SH3GL3: variants seen among roughly 807,000 people sequenced by gnomAD.
The protein encoded by SH3GL3 is endophilin-A3.
In SH3GL3, 33 loss-of-function variants were observed where a neutral mutation model predicts 47.7. The observed-to-expected ratio is 0.69, with a 90% CI of 0.52 to 0.92. The LOEUF (loss-of-function observed/expected upper bound fraction) is 0.92. Among genes scored for constraint, SH3GL3 ranks in the 40% least tolerant of loss-of-function variants. The probability of loss-of-function intolerance (pLI) is 0.00; values close to 1 mark genes in which losing one functional copy is unlikely to be tolerated. For missense variants in SH3GL3, 363 were observed against 417.8 expected, an observed-to-expected ratio of 0.87 and a Z score of 1.14; for synonymous variants, 155 against 148.8, an observed-to-expected ratio of 1.04 and a Z score of -0.30.
intron 1 of SH3GL3, among the ~76,000 whole-genome samples, chr15:83,501,856 A>G (rs1420550489): frequency 6.6e-6 from 1 of 152,022 alleles, no homozygotes; most frequent in African/African-American, 2.4e-5. Context: ...ATGCCACCGC[A>G]CTCCAGCCTG....
At chr15:83,475,340 G>A (rs903651996) in intron 1 of SH3GL3, among the ~76,000 whole-genome samples, 3 of 151,690 alleles carry the variant, frequency 2.0e-5, no homozygotes, top group Admixed American at 6.6e-5. Context: ...TTAACCGGGC[G>A]GGGTGTTGCG....
chr15:83,465,460 G>A (rs1174238411), intron 1 of SH3GL3, among the ~76,000 whole-genome samples: 1 of 151,850 alleles, frequency 6.6e-6, no homozygotes, highest in African/African-American at 2.4e-5. Context: ...ACTTGACTTG[G>A]CCTCTCCCAC....
intron 1 of SH3GL3, among the ~76,000 whole-genome samples, chr15:83,546,806 G>A (rs897188199): frequency 5.9e-5 from 9 of 152,156 alleles, no homozygotes; most frequent in Admixed American, 2.0e-4. Context: ...TCAGGGTAGA[G>A]TTCTTTTCTG....
At chr15:83,594,714 G>A (rs1461945678) in intron 8 of SH3GL3, among the ~76,000 whole-genome samples, 1 of 152,172 alleles carries the variant, frequency 6.6e-6, no homozygotes, top group Non-Finnish European at 1.5e-5. Context: ...GTTGAGATTT[G>A]TCTGATGTCT....
At chr15:83,536,141 A>C (rs191018667) in intron 1 of SH3GL3, among the ~76,000 whole-genome samples, 2 of 152,344 alleles carry the variant, frequency 1.3e-5, no homozygotes, top group East Asian at 1.9e-4. Flanking sequence ...GCCCCTGTAC[A>C]TATTGGGAAC....
intron 8 of SH3GL3, among the ~76,000 whole-genome samples, chr15:83,589,713 A>G (rs2060045295): frequency 6.6e-6 from 1 of 152,152 alleles, no homozygotes; most frequent in Non-Finnish European, 1.5e-5. Context: ...TATACTAGGC[A>G]TATTGTTTGG....
chr15:83,607,888 CA>C (rs1778199414), intron 8 of SH3GL3, among the ~76,000 whole-genome samples: 1 of 135,196 alleles, frequency 7.4e-6, no homozygotes, highest in Non-Finnish European at 1.7e-5. Flanking sequence ...ATACAAACAA[CA>C]ACAACAAAAA....
At chr15:83,470,283 G>A (rs188282178) in intron 1 of SH3GL3, among the ~76,000 whole-genome samples, 50 of 152,246 alleles carry the variant, frequency 3.3e-4, no homozygotes, top group Admixed American at 3.3e-4. Context: ...GGAGCACAGC[G>A]GCGTGATCTC....
intron 1 of SH3GL3, among the ~76,000 whole-genome samples, chr15:83,516,315 A>G (rs1268822197): frequency 6.6e-6 from 1 of 152,172 alleles, no homozygotes; most frequent in African/African-American, 2.4e-5. Context: ...ACCCTTTTAT[A>G]GTTACATACT....
chr15:83,501,292 C>T (rs928355058), intron 1 of SH3GL3, among the ~76,000 whole-genome samples: 4 of 152,162 alleles, frequency 2.6e-5, no homozygotes, highest in African/African-American at 9.7e-5. Context: ...ACTTAAGCGA[C>T]TCAAGTTATG....
chr15:83,562,030 A>AGCACACAC (rs1323661188), intron 2 of SH3GL3, among the ~76,000 whole-genome samples: 3 of 133,084 alleles, frequency 2.3e-5, no homozygotes, highest in Admixed American at 2.3e-4. Context: ...ACACACACAC[A>AGCACACAC]ACACACACAC....
At chr15:83,578,229 G>T (rs922722511) in intron 6 of SH3GL3, among the ~76,000 whole-genome samples, 1 of 152,190 alleles carries the variant, frequency 6.6e-6, no homozygotes, top group Non-Finnish European at 1.5e-5. Flanking sequence ...GGTTTAAGGG[G>T]CCATTGGCAC....
In SH3GL3 at chr15:83,489,806, T is replaced by A. The variant is rs148304313; in HGVS notation, c.45+42228T>A. ...CTGTGGGACAGGTTTGTGCTTATTG[T>A]TGGTGCAGTTTAGTAGGAATTGTCA... On this transcript the variant is annotated intron_variant, in intron 1 of 8. Coordinates refer to ENST00000427482, the MANE Select transcript of SH3GL3 (RefSeq NM_003027.5). Among the ~76,000 whole-genome samples the A allele has an allele frequency of 4.6e-5, 7 of 152,114 alleles. No individual in the cohort carries two copies. The East Asian group carries it at 1.4e-3, about 29-fold the overall frequency.
At chr15:83,540,142 A>G (rs994212887) in intron 1 of SH3GL3, among the ~76,000 whole-genome samples, 104 of 152,270 alleles carry the variant, frequency 6.8e-4, no homozygotes, top group African/African-American at 2.4e-3. Context: ...ATTGATTTCT[A>G]TATTAATTTT....
intron 1 of SH3GL3, among the ~76,000 whole-genome samples, chr15:83,480,164 A>G (rs542431906): frequency 6.6e-6 from 1 of 152,306 alleles, no homozygotes; most frequent in South Asian, 2.1e-4. Context: ...GTTACAACAA[A>G]AACGCAATCT....
chr15:83,504,757 A>G (rs1189042828), intron 1 of SH3GL3, among the ~76,000 whole-genome samples: 1 of 152,098 alleles, frequency 6.6e-6, no homozygotes, highest in Non-Finnish European at 1.5e-5. Context: ...AGAATCACCC[A>G]CCTAAGCTGC....
chr15:83,459,354 G>A (rs1320364258), intron 1 of SH3GL3, among the ~76,000 whole-genome samples: 2 of 152,184 alleles, frequency 1.3e-5, no homozygotes, highest in Non-Finnish European at 2.9e-5. Flanking sequence ...ATCCAATCAA[G>A]TTGACACTCA....
chr15:83,514,326 C>T (rs2042892360), intron 1 of SH3GL3, among the ~76,000 whole-genome samples: 1 of 151,658 alleles, frequency 6.6e-6, no homozygotes, highest in African/African-American at 2.4e-5. Context: ...ACTGGAAATA[C>T]ACAATGAAAT....
chr15:83,493,250 C>A (rs1053183763), intron 1 of SH3GL3, among the ~76,000 whole-genome samples: 47 of 152,114 alleles, frequency 3.1e-4, no homozygotes, highest in African/African-American at 1.0e-3. Flanking sequence ...GGTGGAGGGG[C>A]ACCAGGGAGG....
Sources: gnomAD v4.1 joint callset for allele counts (sites outside exome capture counted in the v4.1 genomes callset) on GRCh38, gnomAD v4.1.1 for gene constraint, MANE v1.5 for transcripts, NCBI Gene and HGNC (gene_info 2026-07-23, HGNC 2026-07-21) for gene names.